The following HEATR6 variants were observed in gnomAD, a reference collection of about 807,000 sequenced individuals.
The protein encoded by HEATR6 is HEAT repeat-containing protein 6.
A neutral mutation model predicts 132.8 loss-of-function variants in HEATR6; 106 were observed. The ratio of observed to expected loss-of-function variants is 0.80; its 90% CI spans 0.68 to 0.94. HEATR6 has a LOEUF of 0.94. Among genes scored for constraint, HEATR6 ranks in the 40% least tolerant of loss-of-function variants. The pLI is 0.00. For synonymous variants in HEATR6, 529 were observed against 537.8 expected, an observed-to-expected ratio of 0.98 and a Z score of 0.23; for missense variants, 1,339 against 1,425.1, an observed-to-expected ratio of 0.94 and a Z score of 0.97.
chr17:60,047,665 TA>T (rs1906416380), intron 17 of HEATR6, among the ~76,000 whole-genome samples: 1 of 151,910 alleles, frequency 6.6e-6, no homozygotes, highest in South Asian at 2.1e-4. Flanking sequence ...CCTACAAGCC[TA>T]AAGACTAAAA....
At chr17:60,074,184 T>G in intron 2 of HEATR6, 1 of 1,048,866 alleles carries the variant, frequency 9.5e-7, no homozygotes, top group Non-Finnish European at 1.2e-6. Flanking sequence ...ATATGAGTAT[T>G]TCAACGCACT....
chr17:60,078,747 G>T lies in HEATR6; in HGVS notation c.168C>A (p.Phe56Leu). Residue 56 changes from phenylalanine (F) to leucine (L), a missense_variant, in exon 1 of 20, where the codon TTC becomes TTA. Phe to Leu is a conservative substitution (Grantham distance 22, BLOSUM62 0). Transcript: ENST00000184956. ...TGTAGTTCTCGGAGATGAGCTGATC[G>T]AAGAGCAGGTGGATCTCGGTGCGGG... ...SSARTEIHLL[F>L]DQLISENYSE... 1 of 1,561,658 alleles carries T rather than the reference G, an allele frequency of 6.4e-7. No individual in the cohort carries two copies. Among genetic ancestry groups the T allele is most frequent in the Non-Finnish European group, 8.7e-7 (1 of 1,154,386 alleles).
chr17:60,041,818 C>T lies in HEATR6; in HGVS notation c.*1745G>A, dbSNP rs1465327139. The stretch of plus-strand genomic sequence containing the variant: ...GAAAAATGGAAGACACCTGCCTTTA[C>T]ACGTGTATTTTAAGCTAAATAACCA... On this transcript the variant is annotated 3_prime_UTR_variant, in exon 20 of 20. Transcript: ENST00000184956. Among the ~76,000 whole-genome samples the T allele has an allele frequency of 5.9e-5, 9 of 152,188 alleles. No individual in the cohort carries two copies. The highest frequency in any genetic ancestry group is 2.2e-4 in the African/African-American group (9 of 41,442).
chr17:60,059,633 C>A, intron 10 of HEATR6, 112 bp from the exon 11 acceptor site: 1 of 724,462 alleles, frequency 1.4e-6, no homozygotes, highest in Non-Finnish European at 2.3e-6. Flanking sequence ...AAAAATTAGC[C>A]CCCCTTTTTT....
chr17:60,057,662 A>G (rs750152378), intron 11 of HEATR6, among the ~76,000 whole-genome samples: 1 of 152,184 alleles, frequency 6.6e-6, no homozygotes, highest in African/African-American at 2.4e-5. Flanking sequence ...TCTATAAGAC[A>G]ATTGGGTTGG....
chr17:60,043,267 T>C lies in HEATR6; in HGVS notation c.*296A>G. The stretch of plus-strand genomic sequence containing the variant: ...CTAATTCCGAAATCCTTCTACATTT[T>C]TTTTTTCTGAGACTAAATGCCCTCA... On this transcript the variant is annotated 3_prime_UTR_variant, in exon 20 of 20. Coordinates refer to ENST00000184956, the MANE Select transcript of HEATR6 (RefSeq NM_022070.5). 1 of 345,904 alleles carries C rather than the reference T, an allele frequency of 2.9e-6. No homozygotes were observed. The highest frequency in any genetic ancestry group is 5.9e-5 in the East Asian group (1 of 16,864). 21.4% of individuals were successfully genotyped at this position (345,904 alleles called of 1,614,324 possible).
At chr17:60,054,866 C>G (rs1161712532) in intron 14 of HEATR6, among the ~76,000 whole-genome samples, 2 of 152,172 alleles carry the variant, frequency 1.3e-5, no homozygotes, top group Non-Finnish European at 2.9e-5. Flanking sequence ...GTGAGAGGAA[C>G]ATGAGATTTG....
intron 13 of HEATR6, among the ~76,000 whole-genome samples, chr17:60,055,903 T>C (rs1186306373): frequency 2.6e-5 from 4 of 152,220 alleles, no homozygotes; most frequent in African/African-American, 9.7e-5. Flanking sequence ...CTTATTAATT[T>C]GTTACTGAGT....
intron 14 of HEATR6, among the ~76,000 whole-genome samples, chr17:60,051,939 T>C (rs962707174): frequency 6.6e-6 from 1 of 152,202 alleles, no homozygotes; most frequent in Non-Finnish European, 1.5e-5. Context: ...TCCCCTCCCA[T>C]ACTGAACAGG....
Position 60,043,496 on chromosome 17 carries a change from A to C in HEATR6, c.*67T>G. On this transcript the variant is annotated 3_prime_UTR_variant, in exon 20 of 20. Transcript: ENST00000184956. ...TTCTGCCCCTAAGATGAAATCCCAC[A>C]GATCTTATGCTCAAGCTCAGGTCTT... is the stretch of plus-strand genomic sequence containing the variant. 1.6e-6 allele frequency: 2 copies of C among 1,253,224 alleles called. No homozygotes were observed. Among genetic ancestry groups the C allele is most frequent in the Non-Finnish European group, 2.3e-6 (2 of 885,720 alleles). The allele number at this position is 1,253,224 out of a possible 1,614,324, so 77.6% of individuals were successfully genotyped here.
Position 60,067,601 on chromosome 17 carries a change from G to C in HEATR6, c.1071C>G (p.Asn357Lys). The C allele has an allele frequency of 3.1e-6, 5 of 1,612,686 alleles. No individual in the cohort carries two copies. The highest frequency in any genetic ancestry group is 1.1e-5 in the South Asian group (1 of 90,856). ...CACCCAGGGAGGAGGGACACCAAGT[G>C]TTCCCTTCATGCAGGTTCACTCTGC... Reference protein sequence around the residue: ...GTGRVNLHEGNTWCPSSLGVQ... With the variant: ...GTGRVNLHEGKTWCPSSLGVQ... The change falls in exon 8 of 20, where the codon AAC becomes AAG. Residue 357 changes from asparagine (N) to lysine (K), a missense_variant. Transcript: ENST00000184956.
chr17:60,046,240 T>G lies in HEATR6; in HGVS notation c.2770-11A>C. The G allele has an allele frequency of 6.3e-7, 1 of 1,577,440 alleles. No homozygotes were observed. The highest frequency in any genetic ancestry group is 1.2e-5 in the South Asian group (1 of 86,790). ...TGCATTGCTTTTTACCTAGAAAAAA[T>G]GTAAATGCTTTAGAAATCTGTTTGG... On this transcript the variant is annotated splice_polypyrimidine_tract_variant and intron_variant, in intron 18 of 19. Transcript: ENST00000184956.
Position 60,073,089 on chromosome 17 carries a change from C to T in HEATR6, c.584+75G>A, listed in dbSNP as rs2083277828. 6.3e-6 allele frequency: 5 copies of T among 788,510 alleles called. No homozygotes were observed. In the East Asian group the frequency reaches 1.3e-4, roughly 20 times the overall value. The allele number at this position is 788,510 out of a possible 1,614,324, so 48.8% of individuals were successfully genotyped here. A position where few individuals can be genotyped will look rare whatever the true frequency, so the allele number is the denominator to read the frequency against. ...TCTAAGTTGGCTCTGGCTTCAGGCA[C>T]AGGGAACTACCTACAAAGGGCCCAA... is the stretch of plus-strand genomic sequence containing the variant. On this transcript the variant is annotated intron_variant, in intron 4 of 19. Coordinates refer to ENST00000184956, the MANE Select transcript of HEATR6 (RefSeq NM_022070.5).
chr17:60,044,705 A>C (rs1009751722), intron 19 of HEATR6, among the ~76,000 whole-genome samples: 3 of 152,156 alleles, frequency 2.0e-5, no homozygotes, highest in African/African-American at 7.2e-5. Flanking sequence ...TTTCCTCCTT[A>C]CCAGAGCTAC....
chr17:60,059,996 G>C lies in HEATR6; in HGVS notation c.1517C>G (p.Thr506Ser). 6.2e-7 allele frequency: 1 copy of C among 1,613,308 alleles called. No individual in the cohort carries two copies. The highest frequency in any genetic ancestry group is 8.5e-7 in the Non-Finnish European group (1 of 1,179,302). ...EDTSDHRRAFTPFSVMIACSI... is the reference protein window; with the variant it reads ...EDTSDHRRAFSPFSVMIACSI... ...GCAAGCGATCATTACGGAGAAGGGG[G>C]TAAAAGCCCTTCTGTGGTCACTGGT... The change falls in exon 10 of 20, where the codon ACC (threonine) becomes AGC (serine). Residue 506 changes from threonine to serine, a missense_variant. Thr to Ser is a moderately conservative substitution (Grantham distance 58, BLOSUM62 1). Transcript: ENST00000184956.
rs1337330615 is a variant in HEATR6, at chr17:60,059,055, CGTCT to C, written c.1723+363_1723+366del. Among the ~76,000 whole-genome samples the C allele has an allele frequency of 4.6e-5, 7 of 152,134 alleles. No homozygotes were observed. In the East Asian group the frequency reaches 9.6e-4, roughly 21 times the overall value. ...AAAAAGTAGATAATATCTATCTGTC[CGTCT>C]GTCTGTCTATCTAACCATCCATCCA... On this transcript the variant is annotated intron_variant, in intron 11 of 19. Transcript: ENST00000184956.
chr17:60,043,971 C>G lies in HEATR6; in HGVS notation c.3138G>C (p.Leu1046Phe). Residue 1046 changes from leucine (L) to phenylalanine (F), a missense_variant, in exon 20 of 20, where the codon TTG (leucine) becomes TTC (phenylalanine). Physicochemically the swap from Leu to Phe is conservative, Grantham distance 22. Transcript: ENST00000184956. ...VDQYARIWNA[L>F]VTALQKSEDT... ...CTTCACTCTTCTGTAAAGCGGTGAC[C>G]AATGCATTCCAGATCCGAGCATACT... is the stretch of plus-strand genomic sequence containing the variant. 6.2e-7 allele frequency: 1 copy of G among 1,613,942 alleles called. No individual in the cohort carries two copies. Among genetic ancestry groups the G allele is most frequent in the East Asian group, 2.2e-5 (1 of 44,898 alleles).
chr17:60,076,519 AGT>A (rs966272077), intron 1 of HEATR6: 17 of 309,644 alleles, frequency 5.5e-5, no homozygotes, highest in Non-Finnish European at 7.9e-5. Context: ...TGGGCAACAT[AGT>A]GAGACTCCAT....
intron 5 of HEATR6, among the ~76,000 whole-genome samples, chr17:60,071,314 C>T (rs994388103): frequency 7.2e-5 from 11 of 152,022 alleles, no homozygotes; most frequent in East Asian, 1.9e-4. Context: ...GAAACACTTC[C>T]GACATTGGGA....
Sources: allele counts gnomAD v4.1 joint callset (sites outside exome capture counted in the v4.1 genomes callset), GRCh38; gene constraint gnomAD v4.1.1; transcripts MANE v1.5; gene names NCBI Gene and HGNC (gene_info 2026-07-23, HGNC 2026-07-21).